The following DLGAP4 variants were observed in gnomAD, a reference collection of about 807,000 sequenced individuals.
DLGAP4 encodes the protein disks large-associated protein 4.
In DLGAP4, 18 loss-of-function variants were observed where a neutral mutation model predicts 86.9. The observed-to-expected ratio is 0.21, with a 90% confidence interval of 0.14 to 0.31. The LOEUF is 0.31. Ranked by LOEUF, DLGAP4 falls within the 10% of genes least tolerant of loss-of-function variation. DLGAP4 has a pLI of 1.00. For missense variants in DLGAP4, 1,085 were observed against 1,362.6 expected (o/e 0.80, Z 3.21); for synonymous variants, 548 against 574.3 (o/e 0.95, Z 0.65).
chr20:36,322,451 C>T (rs1214580604), intron 1 of DLGAP4, among the ~76,000 whole-genome samples: 1 of 152,126 alleles, frequency 6.6e-6, no homozygotes, highest in Non-Finnish European at 1.5e-5. Flanking sequence ...TTATTAGGGG[C>T]TTGACTTCAG....
chr20:36,318,776 G>A (rs1243566883), intron 1 of DLGAP4, among the ~76,000 whole-genome samples: 1 of 152,142 alleles, frequency 6.6e-6, no homozygotes, highest in African/African-American at 2.4e-5. Context: ...CTGGAAATGA[G>A]GTGTTCATAG....
intron 2 of DLGAP4, among the ~76,000 whole-genome samples, chr20:36,368,384 A>G (rs1044241839): frequency 2.6e-5 from 4 of 152,250 alleles, no homozygotes; most frequent in African/African-American, 9.6e-5. Context: ...GTAAATATGT[A>G]TAATATGCAA....
intron 10 of DLGAP4, among the ~76,000 whole-genome samples, chr20:36,514,320 G>A (rs2036910595): frequency 6.6e-6 from 1 of 152,174 alleles, no homozygotes; most frequent in African/African-American, 2.4e-5. Flanking sequence ...GAGAAAACAG[G>A]AGAGTAATTG....
intron 12 of DLGAP4, 199 bp downstream of exon 12, chr20:36,526,205 CTGAAGCA>C (rs1383056237): frequency 1.4e-6 from 1 of 722,734 alleles, no homozygotes; most frequent in African/African-American, 1.8e-5. Flanking sequence ...GAGGCTGCCC[CTGAAGCA>C]TGTGTCCTGC....
At chr20:36,461,133 C>G (rs2034020195) in intron 7 of DLGAP4, among the ~76,000 whole-genome samples, 1 of 152,134 alleles carries the variant, frequency 6.6e-6, no homozygotes, top group South Asian at 2.1e-4. Flanking sequence ...CGGTCCACCT[C>G]CCGCACAGAG....
At chr20:36,402,562 G>A (rs6017396) in intron 2 of DLGAP4, among the ~76,000 whole-genome samples, 8,031 of 152,092 alleles carry the variant, frequency 0.053, 678 homozygotes, top group African/African-American at 0.18. Context: ...AGCCTGGGCA[G>A]CACAGTGAGA....
rs373798857 is a variant in DLGAP4, at chr20:36,440,138, T to C, written c.1356+270T>C. ...CCAGCGGGGCGCCTGTCACTTCTCA[T>C]TGGGTTCAGAACCATGAGGATAAGG... On this transcript the variant is annotated intron_variant, in intron 5 of 12. Coordinates refer to ENST00000339266, the MANE Select transcript of DLGAP4 (RefSeq NM_001365621.2). 1.4e-3 allele frequency among the ~76,000 whole-genome samples: 220 copies of C among 152,254 alleles called. 1 individual carries two copies. Among genetic ancestry groups the C allele is most frequent in the African/African-American group, 5.0e-3 (207 of 41,554 alleles).
chr20:36,444,574 G>C (rs1457204777), intron 6 of DLGAP4, among the ~76,000 whole-genome samples: 2 of 152,038 alleles, frequency 1.3e-5, no homozygotes, highest in Non-Finnish European at 2.9e-5. Flanking sequence ...ACTGTGCCTG[G>C]CTTACCTGTG....
At position 36,467,017 on chromosome 20, in the gene DLGAP4, CCTCTCTCTCTCTCTCTCTCTCTCT is replaced by C. The variant is rs55778929; in HGVS notation, c.1648+20104_1648+20127del. Reference sequence around the variant, plus strand: ...TCTCTGTCTCTCTCTCTCTCTCTCTCCTCTCTCTCTCTCTCTCTCTCTCTCTCTCTCTCTCTCTCTCTCTCTCCC... The same window carrying C: ...TCTCTGTCTCTCTCTCTCTCTCTCTCCTCTCTCTCTCTCTCTCTCTCTCCC... On this transcript the variant is annotated intron_variant, in intron 7 of 12. Transcript: ENST00000339266. 5.5e-3 allele frequency among the ~76,000 whole-genome samples: 276 copies of C among 50,362 alleles called. 2 individuals are homozygous for C. The highest frequency in any genetic ancestry group is 7.5e-3 in the Non-Finnish European group (233 of 31,040). 33.0% of individuals were successfully genotyped at this position (50,362 alleles called of 152,430 possible).
chr20:36,396,349 A>ACGCACG (rs1569484508), intron 2 of DLGAP4, among the ~76,000 whole-genome samples: 893 of 23,026 alleles, frequency 0.039, 80 homozygotes, highest in East Asian at 0.059. Flanking sequence ...ACACACACAC[A>ACGCACG]CACATACCAC....
rs1156543199 is a variant in DLGAP4 at position 36,318,106 on chromosome 20, T to TCACACACACACA, written c.-304+11635_-304+11646dup. Among the ~76,000 whole-genome samples the TCACACACACACA allele has an allele frequency of 1.2e-3, 162 of 139,220 alleles. 2 individuals are homozygous for TCACACACACACA. The highest frequency in any genetic ancestry group is 4.0e-3 in the African/African-American group (144 of 36,112). The allele number at this position is 139,220 out of a possible 152,430, so 91.3% of individuals were successfully genotyped here. A position where few individuals can be genotyped will look rare whatever the true frequency, so the allele number is the denominator to read the frequency against. ...TTAAAGCAGTAATAAATGTGTCCTC[T>TCACACACACACA]CACACACACACACACACACACACAC... On this transcript the variant is annotated intron_variant, in intron 1 of 12. Coordinates refer to ENST00000339266, the MANE Select transcript of DLGAP4 (RefSeq NM_001365621.2).
chr20:36,434,307 A>G (rs1041937662), intron 3 of DLGAP4, among the ~76,000 whole-genome samples: 2 of 152,262 alleles, frequency 1.3e-5, no homozygotes, highest in African/African-American at 2.4e-5. Context: ...TTATCATCTT[A>G]TATGAAATTC....
At chr20:36,318,120 A>T (rs1244347570) in intron 1 of DLGAP4, among the ~76,000 whole-genome samples, 20 of 139,634 alleles carry the variant, frequency 1.4e-4, no homozygotes, top group South Asian at 4.7e-4. Context: ...ACACACACAC[A>T]CACACACACA....
Position 36,432,340 on chromosome 20 carries a change from A to G in DLGAP4, c.623A>G (p.Asp208Gly). 1.2e-6 allele frequency: 2 copies of G among 1,613,730 alleles called. No individual in the cohort carries two copies. The highest frequency in any genetic ancestry group is 1.7e-6 in the Non-Finnish European group (2 of 1,179,922). ...AACATCTCAGGCTGGTGGAGCTCCG[A>G]TGACAACTTGGACGGCGAGGCCGGC... The part of the protein sequence containing the change: ...RSNISGWWSS[D>G]DNLDGEAGAF... The change falls in exon 3 of 13, where the codon GAT (aspartate) becomes GGT (glycine). Residue 208 changes from aspartate (D) to glycine (G), a missense_variant. Physicochemically the swap from Asp to Gly is moderately conservative, Grantham distance 94. This residue lies in a region of DLGAP4 where 1,082 missense variants were observed against 1,344.1 expected (regional missense o/e 0.81). Coordinates refer to ENST00000339266, the MANE Select transcript of DLGAP4 (RefSeq NM_001365621.2). The surrounding 1 kb of genome is among the most constrained non-coding windows in gnomAD (Gnocchi z 6.5).
At chr20:36,512,778 AGGCAGAG>A (rs1431701953) in intron 10 of DLGAP4, 3 of 152,096 alleles carry the variant, frequency 2.0e-5, no homozygotes, top group Admixed American at 2.0e-4. Flanking sequence ...AGAACTTTTC[AGGCAGAG>A]GGAGCAGCAC....
At chr20:36,461,109 G>A (rs2034019067) in intron 7 of DLGAP4, among the ~76,000 whole-genome samples, 1 of 152,128 alleles carries the variant, frequency 6.6e-6, no homozygotes, top group Admixed American at 6.5e-5. Context: ...GTGAACTGGT[G>A]GGAACTCCCG....
At chr20:36,493,159 A>C (rs989092191) in intron 7 of DLGAP4, 6 of 152,196 alleles carry the variant, frequency 3.9e-5, no homozygotes, top group Non-Finnish European at 8.8e-5. Context: ...CCCATTTTAC[A>C]AGGAGGAAAC....
At chr20:36,477,744 T>G (rs887767587) in intron 7 of DLGAP4, among the ~76,000 whole-genome samples, 1 of 152,248 alleles carries the variant, frequency 6.6e-6, no homozygotes, top group Admixed American at 6.5e-5. Context: ...AGACAGATGA[T>G]GGACTTCCTT....
intron 2 of DLGAP4, among the ~76,000 whole-genome samples, chr20:36,369,050 G>C (rs925367394): frequency 2.0e-5 from 3 of 152,210 alleles, no homozygotes; most frequent in Non-Finnish European, 4.4e-5. Context: ...CTTGGCACGA[G>C]CTGGGTGAGC....
Sources: gnomAD v4.1 joint callset for allele counts (sites outside exome capture counted in the v4.1 genomes callset) on GRCh38, gnomAD v4.1.1 for gene constraint, gnomAD v4.1.1 regional missense constraint, Gnocchi (gnomAD v3.1) non-coding constraint, MANE v1.5 for transcripts, NCBI Gene and HGNC (gene_info 2026-07-23, HGNC 2026-07-21) for gene names.